NLGN4X: variants seen among roughly 807,000 people sequenced by gnomAD.
NLGN4X encodes neuroligin-4, X-linked.
A neutral mutation model predicts 40.3 loss-of-function variants in NLGN4X; 3 were observed. The observed-to-expected ratio is 0.07, with a 90% confidence interval of 0.03 to 0.19. The LOEUF (loss-of-function observed/expected upper bound fraction) is 0.19, where lower values mean the gene tolerates loss of function less well. NLGN4X is among the 10% of genes least tolerant of loss of function. NLGN4X has a pLI of 1.00. For synonymous variants in NLGN4X, 270 were observed against 306.8 expected (o/e 0.88, Z 1.25); for missense variants, 382 against 708.3 (o/e 0.54, Z 5.23).
intron 2 of NLGN4X, among the ~76,000 whole-genome samples, chrX:6,103,474 T>C (rs144125952): frequency 0.033 from 3,669 of 112,131 alleles, 128 homozygotes; most frequent in African/African-American, 0.1. Flanking sequence ...AGGGATGAGA[T>C]GGAAATCACA....
intron 3 of NLGN4X, among the ~76,000 whole-genome samples, chrX:6,019,325 C>T (rs1484213927): frequency 8.9e-6 from 1 of 111,825 alleles, no homozygotes; most frequent in Non-Finnish European, 1.9e-5. Flanking sequence ...GGAAAAAAAG[C>T]TGCAGGCCAG....
chrX:6,208,142 G>A (rs903170661), intron 1 of NLGN4X, among the ~76,000 whole-genome samples: 23 of 111,809 alleles, frequency 2.1e-4, no homozygotes, highest in Non-Finnish European at 5.6e-5. Context: ...TCTAATAACT[G>A]ACAGCTCTCA....
intron 3 of NLGN4X, among the ~76,000 whole-genome samples, chrX:6,010,880 ATC>A (rs775603185): frequency 9.0e-6 from 1 of 111,440 alleles, no homozygotes; most frequent in East Asian, 2.8e-4. Context: ...AATCACAATA[ATC>A]TCTATTTACC....
chrX:6,122,730 G>A (rs1459809377), intron 2 of NLGN4X, among the ~76,000 whole-genome samples: 1 of 108,941 alleles, frequency 9.2e-6, no homozygotes, highest in African/African-American at 3.3e-5. Context: ...TTCAAAAGAA[G>A]CAGATCCCTC....
intron 3 of NLGN4X, among the ~76,000 whole-genome samples, chrX:5,972,140 C>CACACAG (rs774566122): frequency 0.017 from 1,851 of 109,411 alleles, 35 homozygotes; most frequent in African/African-American, 0.059. Context: ...CACAGGCACA[C>CACACAG]ACACATATGT....
At chrX:6,076,312 A>T (rs1020710809) in intron 2 of NLGN4X, among the ~76,000 whole-genome samples, 4 of 112,060 alleles carry the variant, frequency 3.6e-5, no homozygotes, top group Non-Finnish European at 7.5e-5. Context: ...CAACAAAAGC[A>T]TCTTAATAAA....
intron 3 of NLGN4X, among the ~76,000 whole-genome samples, chrX:5,940,200 T>A (rs1015765860): frequency 8.9e-6 from 1 of 112,230 alleles, no homozygotes; most frequent in African/African-American, 3.2e-5. Flanking sequence ...ACTGGCTTAT[T>A]GAAATAAAGC....
Position 6,094,017 on chromosome X carries a change from C to T in NLGN4X, c.472+56978G>A, listed in dbSNP as rs967887829. On this transcript the variant is annotated intron_variant, in intron 2 of 5. Transcript: ENST00000381095. ...AAAACAGATGCCATAAACAGTTAAC[C>T]GATGATTTGATAGACAATTACATAA... 3.6e-5 allele frequency among the ~76,000 whole-genome samples: 4 copies of T among 111,342 alleles called. No homozygotes were observed. In the East Asian group the frequency reaches 8.5e-4, roughly 24 times the overall value.
rs749422843 is a variant in NLGN4X at position 5,893,392 on chromosome X, G to A, written c.1876C>T (p.Arg626Trp). The A allele has an allele frequency of 1.3e-5, 16 of 1,207,783 alleles. No homozygotes were observed. Among genetic ancestry groups the A allele is most frequent in the Admixed American group, 4.4e-5 (2 of 45,598 alleles). The change falls in exon 6 of 6, where the codon CGG becomes TGG. Residue 626 changes from arginine (R) to tryptophan (W), a missense_variant. Physicochemically the swap from Arg to Trp is moderately radical, Grantham distance 101. Around this residue, in one of 5 missense-constraint regions of NLGN4X, gnomAD observed 149 missense variants for 375.8 expected, o/e 0.40. Coordinates refer to ENST00000381095, the MANE Select transcript of NLGN4X (RefSeq NM_181332.3). ...GGCCATATCTTGGCGGGAGATCGCC[G>A]GGTGCCATAGGGAAATGATGTCATG... Reference protein sequence around the residue: ...PDMTSFPYGTRRSPAKIWPTT... With the variant: ...PDMTSFPYGTWRSPAKIWPTT...
At chrX:6,222,481 A>G (rs188049917) in intron 1 of NLGN4X, among the ~76,000 whole-genome samples, 1 of 112,311 alleles carries the variant, frequency 8.9e-6, no homozygotes, top group African/African-American at 3.2e-5. Context: ...ATTCTGGGCC[A>G]TTTATCCACA....
At chrX:5,895,982 T>C (rs1049620238) in intron 5 of NLGN4X, among the ~76,000 whole-genome samples, 9 of 111,899 alleles carry the variant, frequency 8.0e-5, no homozygotes, top group Non-Finnish European at 3.8e-5. Flanking sequence ...TGAATGAATA[T>C]TTTAGGAAAA....
chrX:6,210,461 G>A (rs938583132), intron 1 of NLGN4X, among the ~76,000 whole-genome samples: 11 of 111,048 alleles, frequency 9.9e-5, no homozygotes, highest in Non-Finnish European at 1.9e-4. Flanking sequence ...GCGACAGAGC[G>A]AGACCCTGTC....
chrX:6,103,247 T>C (rs73627052), intron 2 of NLGN4X, among the ~76,000 whole-genome samples: 205 of 112,006 alleles, frequency 1.8e-3, no homozygotes, highest in African/African-American at 6.2e-3. Flanking sequence ...TTCACAAATC[T>C]CATGTGATCG....
chrX:5,995,938 C>T (rs1447090725), intron 3 of NLGN4X, among the ~76,000 whole-genome samples: 2 of 111,873 alleles, frequency 1.8e-5, no homozygotes, highest in African/African-American at 6.5e-5. Context: ...TCCATAAGTG[C>T]CATTCATCAG....
At chrX:5,935,286 T>C (rs1425395282) in intron 3 of NLGN4X, among the ~76,000 whole-genome samples, 2 of 112,579 alleles carry the variant, frequency 1.8e-5, no homozygotes, top group Non-Finnish European at 3.8e-5. Context: ...AATTTATGAT[T>C]GTATGTTATC....
At chrX:6,219,327 C>A (rs536458163) in intron 1 of NLGN4X, among the ~76,000 whole-genome samples, 5 of 105,551 alleles carry the variant, frequency 4.7e-5, no homozygotes, top group African/African-American at 1.7e-4. Context: ...CCCTTCCTTT[C>A]TTCTTTCCTT....
intron 1 of NLGN4X, among the ~76,000 whole-genome samples, chrX:6,212,639 A>G (rs1476376145): frequency 2.7e-5 from 3 of 112,240 alleles, no homozygotes; most frequent in Non-Finnish European, 3.8e-5. Flanking sequence ...AAGTTCGTAG[A>G]TTAAAGCAAT....
chrX:5,993,630 C>A (rs903949488), intron 3 of NLGN4X, among the ~76,000 whole-genome samples: 2 of 112,301 alleles, frequency 1.8e-5, no homozygotes, highest in African/African-American at 6.5e-5. Flanking sequence ...GCTGGCCACA[C>A]CATACTTGGC....
intron 2 of NLGN4X, among the ~76,000 whole-genome samples, chrX:6,072,770 C>T (rs2038100286): frequency 9.0e-6 from 1 of 111,016 alleles, no homozygotes; most frequent in African/African-American, 3.3e-5. Flanking sequence ...AATGCCTCAT[C>T]CCTCACTGAA....
Sources: gnomAD v4.1 joint callset for allele counts (sites outside exome capture counted in the v4.1 genomes callset) on GRCh38, gnomAD v4.1.1 for gene constraint, gnomAD v4.1.1 regional missense constraint, MANE v1.5 for transcripts, NCBI Gene and HGNC (gene_info 2026-07-23, HGNC 2026-07-21) for gene names.